DLG2: variants seen among roughly 807,000 people sequenced by gnomAD.
The protein encoded by DLG2 is disks large homolog 2.
Under a neutral mutation model 132.5 loss-of-function variants are expected in DLG2, and 45 were observed. The ratio of observed to expected loss-of-function variants is 0.34; its 90% CI spans 0.27 to 0.44. The LOEUF (loss-of-function observed/expected upper bound fraction) is 0.44. DLG2 is among the 20% of genes least tolerant of loss of function. DLG2 has a pLI of 1.00. For missense variants in DLG2, 1,045 were observed against 1,196.9 expected (o/e 0.87, Z 1.87); for synonymous variants, 424 against 419.6 (o/e 1.01, Z -0.13).
intron 21 of DLG2, among the ~76,000 whole-genome samples, chr11:83,501,507 G>T (rs1446851135): frequency 1.3e-5 from 2 of 152,132 alleles, no homozygotes; most frequent in Non-Finnish European, 1.5e-5. Context: ...CATATATCTG[G>T]GCCTGTTTCT....
chr11:83,619,358 T>C (rs1472863342), intron 19 of DLG2, among the ~76,000 whole-genome samples: 2 of 152,194 alleles, frequency 1.3e-5, no homozygotes, highest in Non-Finnish European at 2.9e-5. Flanking sequence ...TGAGAGAGCA[T>C]ATATGAAATC....
chr11:84,708,963 G>A (rs2060074073), intron 6 of DLG2, among the ~76,000 whole-genome samples: 1 of 151,806 alleles, frequency 6.6e-6, no homozygotes, highest in African/African-American at 2.4e-5. Flanking sequence ...CAGATGTTAG[G>A]AAAAAAGTTG....
intron 8 of DLG2, among the ~76,000 whole-genome samples, chr11:84,185,478 C>G (rs375070855): frequency 6.6e-6 from 1 of 152,112 alleles, no homozygotes; most frequent in Non-Finnish European, 1.5e-5. Flanking sequence ...TGGGCTGAGA[C>G]GACGGGGTTT....
intron 6 of DLG2, among the ~76,000 whole-genome samples, chr11:84,646,827 G>C (rs1038437521): frequency 6.6e-6 from 1 of 152,026 alleles, no homozygotes; most frequent in Non-Finnish European, 1.5e-5. Context: ...TATGATAAGC[G>C]CTGTGCTGGA....
At chr11:83,902,124 G>T (rs939000202) in intron 15 of DLG2, among the ~76,000 whole-genome samples, 1 of 151,946 alleles carries the variant, frequency 6.6e-6, no homozygotes, top group Non-Finnish European at 1.5e-5. Context: ...CCACCATTTA[G>T]CCTTATGTCC....
chr11:84,284,607 G>A (rs1434329479), intron 7 of DLG2, among the ~76,000 whole-genome samples: 1 of 152,212 alleles, frequency 6.6e-6, no homozygotes, highest in East Asian at 1.9e-4. Flanking sequence ...CAGAATGCTA[G>A]ATCACAGCAT....
chr11:84,125,292 C>A (rs192842441), intron 9 of DLG2, among the ~76,000 whole-genome samples: 1 of 152,074 alleles, frequency 6.6e-6, no homozygotes, highest in African/African-American at 2.4e-5. Context: ...TACTACAAAT[C>A]CAACCTCACA....
upstream of DLG2, among the ~76,000 whole-genome samples, chr11:85,628,194 C>T (rs2082117735): frequency 6.6e-6 from 1 of 152,192 alleles, no homozygotes; most frequent in Admixed American, 6.5e-5. Context: ...TTTAACACCA[C>T]ACAGGCCAGG....
chr11:85,100,599 A>T (rs1199243391), intron 6 of DLG2, among the ~76,000 whole-genome samples: 1 of 152,168 alleles, frequency 6.6e-6, no homozygotes. Flanking sequence ...ATGCTAGTGC[A>T]TGCCAATGCA....
intron 6 of DLG2, among the ~76,000 whole-genome samples, chr11:84,838,033 A>T (rs1455128647): frequency 6.6e-6 from 1 of 151,868 alleles, no homozygotes; most frequent in Non-Finnish European, 1.5e-5. Flanking sequence ...GAATATTTAC[A>T]CACATAAACA....
intron 6 of DLG2, among the ~76,000 whole-genome samples, chr11:84,603,431 T>A (rs560628687): frequency 6.6e-6 from 1 of 152,132 alleles, no homozygotes; most frequent in Non-Finnish European, 1.5e-5. Flanking sequence ...AGATCTCAAT[T>A]TGCTCATCTG....
At chr11:84,575,661 T>C (rs1280097748) in intron 6 of DLG2, among the ~76,000 whole-genome samples, 1 of 152,238 alleles carries the variant, frequency 6.6e-6, no homozygotes, top group Non-Finnish European at 1.5e-5. Context: ...ACATCTCAAG[T>C]ATGTATCCTT....
chr11:84,330,205 A>G (rs898381954), intron 7 of DLG2, among the ~76,000 whole-genome samples: 1 of 152,248 alleles, frequency 6.6e-6, no homozygotes, highest in African/African-American at 2.4e-5. Flanking sequence ...GCTTATGAAC[A>G]GAGACTCAAT....
At chr11:83,875,209 T>C (rs1187481029) in intron 15 of DLG2, among the ~76,000 whole-genome samples, 3 of 152,160 alleles carry the variant, frequency 2.0e-5, no homozygotes, top group South Asian at 2.1e-4. Context: ...TCAAATTTAA[T>C]GTAGTTCTAG....
chr11:85,426,082 G>C (rs940480261), intron 3 of DLG2, among the ~76,000 whole-genome samples: 1 of 152,224 alleles, frequency 6.6e-6, no homozygotes, highest in African/African-American at 2.4e-5. Flanking sequence ...TGGCAGCAAG[G>C]CTGAGGGAGG....
In DLG2 at chr11:85,366,350, T is replaced by A. The variant is rs2084551401; in HGVS notation, c.41-80985A>T. Among the ~76,000 whole-genome samples the A allele has an allele frequency of 2.6e-5, 4 of 152,146 alleles. No homozygotes were observed. In the South Asian group the frequency reaches 8.3e-4, roughly 32 times the overall value. ...CTAAATAGAATGTAGCTTTTTTTCTTCTTTGCACAATATATATAAATAAAT... is the reference window on the plus strand; with the variant it reads ...CTAAATAGAATGTAGCTTTTTTTCTACTTTGCACAATATATATAAATAAAT... On this transcript the variant is annotated intron_variant, in intron 3 of 27. Coordinates refer to ENST00000376104, the MANE Select transcript of DLG2 (RefSeq NM_001142699.3).
At chr11:84,746,783 A>C (rs1042306936) in intron 6 of DLG2, among the ~76,000 whole-genome samples, 3 of 152,172 alleles carry the variant, frequency 2.0e-5, no homozygotes, top group African/African-American at 4.8e-5. Context: ...CATTATTCTA[A>C]AGAGTTCGGG....
At chr11:84,175,601 C>G (rs1202525080) in intron 8 of DLG2, among the ~76,000 whole-genome samples, 2 of 152,094 alleles carry the variant, frequency 1.3e-5, no homozygotes, top group African/African-American at 2.4e-5. Context: ...TTTTCAAGAT[C>G]AATTCATCAA....
At chr11:85,485,049 G>C (rs1474038018) in intron 3 of DLG2, among the ~76,000 whole-genome samples, 1 of 152,192 alleles carries the variant, frequency 6.6e-6, no homozygotes, top group Non-Finnish European at 1.5e-5. Flanking sequence ...CATGTCCTTT[G>C]TAGGGACATG....
Sources: allele counts gnomAD v4.1 joint callset (sites outside exome capture counted in the v4.1 genomes callset), GRCh38; gene constraint gnomAD v4.1.1; transcripts MANE v1.5; gene names NCBI Gene and HGNC (gene_info 2026-07-23, HGNC 2026-07-21).